The following RAB3B variants were observed in gnomAD, a reference collection of about 807,000 sequenced individuals.
RAB3B encodes the protein ras-related protein Rab-3B.
A neutral mutation model predicts 20.5 loss-of-function variants in RAB3B; 11 were observed. The observed-to-expected ratio is 0.54, with a 90% confidence interval of 0.34 to 0.89. The LOEUF is 0.89. Ranked by LOEUF, RAB3B falls within the 40% of genes least tolerant of loss-of-function variation. The pLI is 0.02. For missense variants in RAB3B, 225 were observed against 280.9 expected (o/e 0.80, Z 1.42); for synonymous variants, 99 against 106.3 (o/e 0.93, Z 0.42).
intron 2 of RAB3B, among the ~76,000 whole-genome samples, chr1:51,971,485 T>C (rs985275142): frequency 1.7e-4 from 26 of 150,650 alleles, no homozygotes; most frequent in African/African-American, 6.1e-4. Flanking sequence ...TAGGCTGGAG[T>C]GCAATGGCGC....
chr1:51,960,789 G>A (rs1223565500), intron 2 of RAB3B, among the ~76,000 whole-genome samples: 2 of 152,190 alleles, frequency 1.3e-5, no homozygotes, highest in African/African-American at 2.4e-5. Context: ...CGCCTTGTAA[G>A]TCCTGTGGCT....
rs1684133804 is a variant in RAB3B at position 51,919,243 on chromosome 1, A to G, written c.*684T>C. ...CATGATCCACCCGCCTCGGCCTCCC[A>G]AAGTGCTGGGATTACAGGCGTGAGC... On this transcript the variant is annotated 3_prime_UTR_variant, in exon 5 of 5. Coordinates refer to ENST00000371655, the MANE Select transcript of RAB3B (RefSeq NM_002867.4). The G allele has an allele frequency of 6.6e-6, 1 of 151,382 alleles. No individual in the cohort carries two copies. The highest frequency in any genetic ancestry group is 6.6e-5 in the Admixed American group (1 of 15,216). The allele number at this position is 151,382 out of a possible 1,614,324, so 9.4% of individuals were successfully genotyped here. A position where few individuals can be genotyped will look rare whatever the true frequency, so the allele number is the denominator to read the frequency against.
intron 4 of RAB3B, among the ~76,000 whole-genome samples, chr1:51,926,182 C>T (rs542867258): frequency 6.6e-6 from 1 of 152,342 alleles, no homozygotes; most frequent in South Asian, 2.1e-4. Context: ...TGAGGACTGG[C>T]ATAGCCATCG....
Position 51,910,565 on chromosome 1 carries a change from G to T in RAB3B, c.*9362C>A, listed in dbSNP as rs991380664. 2.6e-5 allele frequency: 4 copies of T among 152,186 alleles called. No individual in the cohort carries two copies. The highest frequency in any genetic ancestry group is 4.8e-5 in the African/African-American group (2 of 41,438). 9.4% of individuals were successfully genotyped at this position (152,186 alleles called of 1,614,324 possible). On this transcript the variant is annotated 3_prime_UTR_variant, in exon 5 of 5. Transcript: ENST00000371655. ...ACCAGGACCATACGCCTGGCTAAGT[G>T]ATGAGGGGGTCACACAGCCTTGGCT...
At chr1:51,974,222 T>C (rs1287043115) in intron 2 of RAB3B, among the ~76,000 whole-genome samples, 6 of 152,232 alleles carry the variant, frequency 3.9e-5, no homozygotes, top group African/African-American at 1.4e-4. Flanking sequence ...GTAAGGATGA[T>C]ATCAAATAAC....
At chr1:51,942,294 C>G (rs1159402538) in intron 2 of RAB3B, among the ~76,000 whole-genome samples, 1 of 152,216 alleles carries the variant, frequency 6.6e-6, no homozygotes, top group Non-Finnish European at 1.5e-5. Flanking sequence ...GAGCCTAGCC[C>G]TGTGCCCAAG....
chr1:51,972,875 CCTTG>C (rs894617027), intron 2 of RAB3B, among the ~76,000 whole-genome samples: 1 of 152,170 alleles, frequency 6.6e-6, no homozygotes, highest in Non-Finnish European at 1.5e-5. Context: ...TTACCCAAGT[CCTTG>C]CTTGCTTGCT....
chr1:51,956,236 G>C (rs1019925081), intron 2 of RAB3B, among the ~76,000 whole-genome samples: 1 of 152,172 alleles, frequency 6.6e-6, no homozygotes, highest in Admixed American at 6.5e-5. Context: ...GCTCTAAGGA[G>C]TCAGGATAAA....
chr1:51,966,386 A>G (rs1014637288), intron 2 of RAB3B, among the ~76,000 whole-genome samples: 5 of 152,204 alleles, frequency 3.3e-5, no homozygotes, highest in Non-Finnish European at 5.9e-5. Context: ...AGTGCCTCGC[A>G]TATAATATGT....
At chr1:51,972,482 CTTTTTTCTTTTTTT>C (rs967464183) in intron 2 of RAB3B, among the ~76,000 whole-genome samples, 4 of 141,686 alleles carry the variant, frequency 2.8e-5, no homozygotes, top group Non-Finnish European at 6.1e-5. Context: ...ATGCTTTTTT[CTTTTTTCTTTTTTT>C]TTTTTTTTTT....
chr1:51,984,436 G>A (rs897227262), intron 1 of RAB3B, among the ~76,000 whole-genome samples: 11 of 136,880 alleles, frequency 8.0e-5, no homozygotes, highest in Non-Finnish European at 1.5e-4. Flanking sequence ...TGTCACCCTG[G>A]CTGGAGTGCA....
At chr1:51,945,066 C>T (rs1347088589) in intron 2 of RAB3B, among the ~76,000 whole-genome samples, 1 of 152,236 alleles carries the variant, frequency 6.6e-6, no homozygotes, top group Non-Finnish European at 1.5e-5. Flanking sequence ...CAACCACCAA[C>T]CTGATCAGTC....
chr1:51,922,836 A>T (rs939850001), intron 4 of RAB3B, among the ~76,000 whole-genome samples: 1 of 152,030 alleles, frequency 6.6e-6, no homozygotes, highest in Non-Finnish European at 1.5e-5. Flanking sequence ...AGCTGGGATT[A>T]CAGGTACCCA....
At chr1:51,973,066 G>A (rs1041725269) in intron 2 of RAB3B, among the ~76,000 whole-genome samples, 3 of 152,120 alleles carry the variant, frequency 2.0e-5, no homozygotes, top group Non-Finnish European at 4.4e-5. Context: ...TCAAACTGAA[G>A]CCAGGAATTT....
At chr1:51,987,466 T>C (rs1458684563) in intron 1 of RAB3B, among the ~76,000 whole-genome samples, 1 of 152,192 alleles carries the variant, frequency 6.6e-6, no homozygotes, top group Non-Finnish European at 1.5e-5. Context: ...GAGGGTGTTT[T>C]ATTAACCCCT....
At chr1:51,969,956 G>C (rs1185376173) in intron 2 of RAB3B, among the ~76,000 whole-genome samples, 1 of 151,930 alleles carries the variant, frequency 6.6e-6, no homozygotes, top group African/African-American at 2.4e-5. Flanking sequence ...TGTAGTTCCA[G>C]CTACTAGGGA....
At chr1:51,970,547 T>C (rs1259328822) in intron 2 of RAB3B, among the ~76,000 whole-genome samples, 1 of 152,048 alleles carries the variant, frequency 6.6e-6, no homozygotes, top group Non-Finnish European at 1.5e-5. Context: ...AAATTCCTAT[T>C]GTGGGTGGCC....
chr1:51,970,614 T>C (rs1684915604), intron 2 of RAB3B, among the ~76,000 whole-genome samples: 1 of 151,994 alleles, frequency 6.6e-6, no homozygotes, highest in Non-Finnish European at 1.5e-5. Flanking sequence ...CTAAGAGAGA[T>C]CAAATAGGCT....
chr1:51,989,103 G>GCGCGCGCACA (rs377673682), intron 1 of RAB3B, among the ~76,000 whole-genome samples: 1 of 132,676 alleles, frequency 7.5e-6, no homozygotes, highest in African/African-American at 2.8e-5. Context: ...CTGTGCGCGC[G>GCGCGCGCACA]CACACACACA....
Sources: gnomAD v4.1 joint callset for allele counts (sites outside exome capture counted in the v4.1 genomes callset) on GRCh38, gnomAD v4.1.1 for gene constraint, MANE v1.5 for transcripts, NCBI Gene and HGNC (gene_info 2026-07-23, HGNC 2026-07-21) for gene names.